MYRIP: variants seen among roughly 807,000 people sequenced by gnomAD.
The protein encoded by MYRIP is rab effector MyRIP.
MYRIP carries 49 observed loss-of-function variants against 98.0 expected under a neutral mutation model. That is an observed-to-expected ratio of 0.50 (90% confidence interval 0.40 to 0.63). The LOEUF (loss-of-function observed/expected upper bound fraction) is 0.63. Ranked by LOEUF, MYRIP falls within the 30% of genes least tolerant of loss-of-function variation. The pLI is 0.00. For missense variants in MYRIP, 1,004 were observed against 1,058.2 expected, an observed-to-expected ratio of 0.95 and a Z score of 0.71; for synonymous variants, 404 against 409.5, an observed-to-expected ratio of 0.99 and a Z score of 0.16.
chr3:39,928,057 A>G (rs1281597712), intron 2 of MYRIP, among the ~76,000 whole-genome samples: 6 of 152,022 alleles, frequency 3.9e-5, no homozygotes, highest in Admixed American at 3.3e-4. Flanking sequence ...CTATATACAC[A>G]TATAAATTTG....
intron 2 of MYRIP, among the ~76,000 whole-genome samples, chr3:40,031,262 T>G (rs1357820069): frequency 1.3e-5 from 2 of 152,040 alleles, no homozygotes; most frequent in Middle Eastern, 3.2e-3. Flanking sequence ...ACTAGTCCCA[T>G]TCACGAGGAT....
At chr3:39,886,685 A>G (rs1411423921) in intron 1 of MYRIP, among the ~76,000 whole-genome samples, 1 of 151,846 alleles carries the variant, frequency 6.6e-6, no homozygotes, top group South Asian at 2.1e-4. Flanking sequence ...CCAGATTCAT[A>G]AAGCAAGTCC....
chr3:40,098,173 T>C (rs547348311), intron 3 of MYRIP, among the ~76,000 whole-genome samples: 3 of 152,370 alleles, frequency 2.0e-5, no homozygotes, highest in Non-Finnish European at 4.4e-5. Flanking sequence ...CTTTTTGATA[T>C]GTATATTTAA....
chr3:40,000,112 C>T (rs562381123), intron 2 of MYRIP, among the ~76,000 whole-genome samples: 1 of 151,812 alleles, frequency 6.6e-6, no homozygotes, highest in African/African-American at 2.4e-5. Flanking sequence ...ACCAACATGG[C>T]ACATGTATAC....
At chr3:39,982,060 A>G (rs1452397313) in intron 2 of MYRIP, among the ~76,000 whole-genome samples, 2 of 152,220 alleles carry the variant, frequency 1.3e-5, no homozygotes, top group East Asian at 3.8e-4. Context: ...ATTAAGGACA[A>G]ACCTATCTTA....
chr3:39,844,227 A>AT (rs1175472311), intron 1 of MYRIP, among the ~76,000 whole-genome samples: 1 of 152,094 alleles, frequency 6.6e-6, no homozygotes, highest in African/African-American at 2.4e-5. Flanking sequence ...ATGTAGGTCC[A>AT]TTTTTCTAGG....
chr3:40,068,479 C>T (rs1948164575), intron 3 of MYRIP, among the ~76,000 whole-genome samples: 1 of 152,184 alleles, frequency 6.6e-6, no homozygotes, highest in Non-Finnish European at 1.5e-5. Context: ...ACCAGAGTTA[C>T]ACTAAGGATG....
At chr3:40,213,213 A>G (rs1018259921) in intron 11 of MYRIP, among the ~76,000 whole-genome samples, 37 of 152,188 alleles carry the variant, frequency 2.4e-4, no homozygotes, top group Non-Finnish European at 4.6e-4. Context: ...CCTAGGACCC[A>G]GTCCAGGTTT....
intron 4 of MYRIP, among the ~76,000 whole-genome samples, chr3:40,152,303 C>A (rs1488287832): frequency 1.3e-5 from 2 of 152,182 alleles, no homozygotes; most frequent in African/African-American, 4.8e-5. Context: ...TCATTTGCAT[C>A]CCATCCTCTT....
At chr3:40,226,828 G>A (rs1177960694) in intron 11 of MYRIP, among the ~76,000 whole-genome samples, 3 of 152,162 alleles carry the variant, frequency 2.0e-5, no homozygotes, top group Admixed American at 2.0e-4. Context: ...ACCTGCAGTG[G>A]CACCTCGTTG....
At chr3:40,056,321 T>C (rs949640866) in intron 3 of MYRIP, among the ~76,000 whole-genome samples, 1 of 152,180 alleles carries the variant, frequency 6.6e-6, no homozygotes, top group African/African-American at 2.4e-5. Context: ...ATTGAGAACA[T>C]GGGAGAACTT....
intron 4 of MYRIP, among the ~76,000 whole-genome samples, chr3:40,156,407 A>G (rs1006316977): frequency 3.3e-5 from 5 of 152,136 alleles, no homozygotes; most frequent in Non-Finnish European, 7.3e-5. Context: ...CTTGTAGTAT[A>G]GTTTGAAGTC....
At chr3:39,872,881 T>C (rs1053594407) in intron 1 of MYRIP, among the ~76,000 whole-genome samples, 1 of 152,218 alleles carries the variant, frequency 6.6e-6, no homozygotes, top group African/African-American at 2.4e-5. Flanking sequence ...TCAAATGGCA[T>C]TTCTAGTTCT....
intron 3 of MYRIP, among the ~76,000 whole-genome samples, chr3:40,115,294 G>T (rs1949247657): frequency 6.6e-6 from 1 of 152,118 alleles, no homozygotes; most frequent in African/African-American, 2.4e-5. Flanking sequence ...CTGCTATGAA[G>T]AAATACCTGA....
At chr3:39,930,267 GT>G (rs1158636421) in intron 2 of MYRIP, among the ~76,000 whole-genome samples, 2 of 151,838 alleles carry the variant, frequency 1.3e-5, no homozygotes, top group African/African-American at 4.8e-5. Flanking sequence ...TATCATTGTG[GT>G]TTTGATTTAT....
At chr3:39,956,960 C>T (rs1559536315) in intron 2 of MYRIP, among the ~76,000 whole-genome samples, 1 of 151,538 alleles carries the variant, frequency 6.6e-6, no homozygotes, top group Admixed American at 6.6e-5. Context: ...ACACATACAC[C>T]CTCCCAAGAC....
chr3:39,986,614 C>T (rs190248260), intron 2 of MYRIP, among the ~76,000 whole-genome samples: 1 of 152,244 alleles, frequency 6.6e-6, no homozygotes, highest in Non-Finnish European at 1.5e-5. Context: ...TGCCCATTTC[C>T]CTTTGCCAGT....
intron 3 of MYRIP, among the ~76,000 whole-genome samples, chr3:40,117,952 T>G (rs1481219845): frequency 1.3e-5 from 2 of 152,176 alleles, no homozygotes; most frequent in African/African-American, 2.4e-5. Flanking sequence ...AATGGCAGAC[T>G]AGGGTAATTA....
intron 11 of MYRIP, among the ~76,000 whole-genome samples, chr3:40,231,701 T>C (rs1952664501): frequency 6.6e-6 from 1 of 152,244 alleles, no homozygotes; most frequent in South Asian, 2.1e-4. Context: ...CTTGGACCTT[T>C]AATGCACTGT....
Sources: gnomAD v4.1 joint callset for allele counts (sites outside exome capture counted in the v4.1 genomes callset) on GRCh38, gnomAD v4.1.1 for gene constraint, MANE v1.5 for transcripts, NCBI Gene and HGNC (gene_info 2026-07-23, HGNC 2026-07-21) for gene names.